Variants in ANGEL2 observed in about 807,000 individuals in gnomAD.
The protein encoded by ANGEL2 is RNA 2',3'-cyclic phosphatase ANGEL2.
ANGEL2 carries 41 observed loss-of-function variants against 66.0 expected under a neutral mutation model. The ratio of observed to expected loss-of-function variants is 0.62; its 90% CI spans 0.48 to 0.81. The LOEUF is 0.81. Among genes scored for constraint, ANGEL2 ranks in the 30% least tolerant of loss-of-function variants. The pLI, the probability that ANGEL2 is intolerant of heterozygous loss-of-function variation, is 0.00. For missense variants in ANGEL2, 561 were observed against 641.6 expected, an observed-to-expected ratio of 0.87 and a Z score of 1.36; for synonymous variants, 208 against 226.5, an observed-to-expected ratio of 0.92 and a Z score of 0.73.
intron 5 of ANGEL2, chr1:213,001,523 C>G (rs1459524998): frequency 6.6e-6 from 1 of 152,270 alleles, no homozygotes; most frequent in East Asian, 1.9e-4. Context: ...GCTGGCTGAT[C>G]AGGGTGATGG....
intron 2 of ANGEL2, chr1:213,011,322 A>T: frequency 8.0e-7 from 1 of 1,257,256 alleles, no homozygotes. Flanking sequence ...TCATAATTGT[A>T]TCACACAAAT....
At chr1:213,004,941 G>A (rs915946683) in intron 5 of ANGEL2, 92 bp downstream of exon 5, 5 of 980,592 alleles carry the variant, frequency 5.1e-6, no homozygotes, top group Non-Finnish European at 5.8e-6. Flanking sequence ...GATCATCCAA[G>A]GTTTTCAAAT....
intron 5 of ANGEL2, chr1:213,001,773 A>C (rs7537285): frequency 0.46 from 69,843 of 152,188 alleles, 19,961 homozygotes; most frequent in Non-Finnish European, 0.63. Context: ...CAGCATCTTC[A>C]CCAGGAATAG....
At position 213,000,398 on chromosome 1, in the gene ANGEL2, G is replaced by A. The variant is rs940559655; in HGVS notation, c.1262-15C>T. On this transcript the variant is annotated splice_polypyrimidine_tract_variant and intron_variant, in intron 6 of 8. Coordinates refer to ENST00000366962, the MANE Select transcript of ANGEL2 (RefSeq NM_144567.5). The stretch of plus-strand genomic sequence containing the variant: ...CAGATCACTGTCTGTAAGAATAGAG[G>A]AAAATATATTAATGTTATTGTTCTA... 4 of 1,603,876 alleles carry A rather than the reference G, an allele frequency of 2.5e-6. No homozygotes were observed. Among genetic ancestry groups the A allele is most frequent in the Middle Eastern group, 1.7e-4 (1 of 6,036 alleles).
At chr1:213,009,821 C>A (rs1279875807) in intron 2 of ANGEL2, among the ~76,000 whole-genome samples, 1 of 152,210 alleles carries the variant, frequency 6.6e-6, no homozygotes, top group East Asian at 1.9e-4. Context: ...GAGGCTGAGG[C>A]GGGTGGATCA....
chr1:212,996,585 T>C (rs1277506123), intron 8 of ANGEL2, among the ~76,000 whole-genome samples: 2 of 132,176 alleles, frequency 1.5e-5, no homozygotes, highest in African/African-American at 5.9e-5. Flanking sequence ...ATCATGCCAC[T>C]GCACTCTAGC....
intron 1 of ANGEL2, among the ~76,000 whole-genome samples, chr1:213,014,551 T>C (rs1343227692): frequency 6.6e-6 from 1 of 152,246 alleles, no homozygotes; most frequent in Non-Finnish European, 1.5e-5. Flanking sequence ...GTCCATGCAT[T>C]TTCTATGCTA....
Position 213,000,892 on chromosome 1 carries a change from A to G in ANGEL2, c.1155T>C (p.Ser385=), listed in dbSNP as rs113516340. 3 of 1,611,936 alleles carry G rather than the reference A, an allele frequency of 1.9e-6. No individual in the cohort carries two copies. In the African/African-American group the frequency reaches 4.0e-5, roughly 22 times the overall value. ...TAGATAAAATTCTTTGTCCCCGTGA[A>G]GACTGTTCCTGGCCAGATACCTAAA... The part of the protein sequence containing the change: ...PIGKVSGQEQ[S]SRGQRILSIP... The change falls in exon 6 of 9, where the codon TCT becomes TCC. Residue 385 remains serine (S), a synonymous_variant. Coordinates refer to ENST00000366962, the MANE Select transcript of ANGEL2 (RefSeq NM_144567.5).
intron 2 of ANGEL2, 84 bp downstream of exon 2, chr1:213,013,001 AACCTTAGG>A (rs1389795218): frequency 7.5e-6 from 10 of 1,341,114 alleles, no homozygotes; most frequent in Non-Finnish European, 1.0e-5. Context: ...ACACCTCTAA[AACCTTAGG>A]AGGTTTAAAG....
chr1:213,010,293 C>T (rs1020231143), intron 2 of ANGEL2, among the ~76,000 whole-genome samples: 27 of 152,022 alleles, frequency 1.8e-4, no homozygotes, highest in African/African-American at 6.3e-4. Context: ...ACTGATTGGC[C>T]GGGCGTGGTG....
chr1:213,015,361 G>C, intron 1 of ANGEL2: 1 of 1,404,850 alleles, frequency 7.1e-7, no homozygotes, highest in Non-Finnish European at 9.2e-7. Context: ...CACAAGCCTG[G>C]CCGGCGGCCC....
chr1:213,008,162 C>T (rs922527179), intron 3 of ANGEL2, 48 bp downstream of exon 3: 1 of 1,583,182 alleles, frequency 6.3e-7, no homozygotes, highest in Admixed American at 1.7e-5. Flanking sequence ...GTGTGCCCGG[C>T]CCCAACTTTT....
intron 5 of ANGEL2, among the ~76,000 whole-genome samples, chr1:213,002,748 C>T (rs2076210800): frequency 1.3e-5 from 2 of 151,748 alleles, no homozygotes; most frequent in South Asian, 4.2e-4. Flanking sequence ...TGAAACGCCA[C>T]CTCTACCAAA....
Position 212,997,221 on chromosome 1 carries a change from G to A in ANGEL2, c.1417C>T (p.Arg473Ter). Reference protein sequence around the residue: ...GIPEVTTCHSRSAITVDYIFY... With the variant: ...GIPEVTTCHS ...ATATAATCCACAGTTATGGCACTTCGGGAATGACAGGTGGTCACTTCTGGA... is the reference window on the plus strand; with the variant it reads ...ATATAATCCACAGTTATGGCACTTCAGGAATGACAGGTGGTCACTTCTGGA... Residue 473 changes from arginine (R) to a stop codon, truncating the protein, a stop_gained, in exon 8 of 9, where the codon CGA becomes TGA. Transcript: ENST00000366962. LOFTEE classifies it high-confidence loss of function. 5 of 1,613,868 alleles carry A rather than the reference G, an allele frequency of 3.1e-6. No homozygotes were observed. Among genetic ancestry groups the A allele is most frequent in the Non-Finnish European group, 4.2e-6 (5 of 1,179,842 alleles).
intron 4 of ANGEL2, chr1:213,006,845 C>T (rs2076343117): frequency 2.8e-6 from 1 of 353,456 alleles, no homozygotes. Flanking sequence ...ATATGCCACA[C>T]ATCTTTGTCA....
intron 3 of ANGEL2, among the ~76,000 whole-genome samples, chr1:213,007,801 T>C (rs2076377640): frequency 1.3e-5 from 2 of 152,100 alleles, no homozygotes. Flanking sequence ...ACAAACAAAA[T>C]GGATAAAACC....
At chr1:213,008,848 G>C (rs773870686) in intron 2 of ANGEL2, among the ~76,000 whole-genome samples, 26 of 152,246 alleles carry the variant, frequency 1.7e-4, no homozygotes, top group Non-Finnish European at 3.2e-4. Context: ...GTATGTCAAA[G>C]TTGGCTTTTC....
intron 8 of ANGEL2, among the ~76,000 whole-genome samples, chr1:212,996,670 T>TATAC (rs1467256999): frequency 1.3e-4 from 17 of 135,674 alleles, no homozygotes; most frequent in East Asian, 4.3e-4. Flanking sequence ...TATATATATA[T>TATAC]ACTTTTCCTC....
Position 213,015,834 on chromosome 1 carries a change from TA to T in ANGEL2, c.-164del. The T allele has an allele frequency of 3.6e-6, 3 of 834,992 alleles. No individual in the cohort carries two copies. Among genetic ancestry groups the T allele is most frequent in the East Asian group, 5.4e-5 (2 of 37,338 alleles). The allele number at this position is 834,992 out of a possible 1,614,324, so 51.7% of individuals were successfully genotyped here. A position where few individuals can be genotyped will look rare whatever the true frequency, so the allele number is the denominator to read the frequency against. On this transcript the variant is annotated 5_prime_UTR_variant, in exon 1 of 9. The change creates a premature stop within an existing upstream ORF in the 5' untranslated region. Coordinates refer to ENST00000366962, the MANE Select transcript of ANGEL2 (RefSeq NM_144567.5). ...GGAGGTGCAGTCTCGCCGGCCGGCC[TA>T]CACTCCATCTTGCGCAGTCAGAGTC...
Sources: gnomAD v4.1 joint callset for allele counts (sites outside exome capture counted in the v4.1 genomes callset) on GRCh38, gnomAD v4.1.1 for gene constraint, MANE v1.5 for transcripts, NCBI Gene and HGNC (gene_info 2026-07-23, HGNC 2026-07-21) for gene names.